CDH20: variants seen among roughly 807,000 people sequenced by gnomAD.
The protein encoded by CDH20 is cadherin-20.
CDH20 carries 29 observed loss-of-function variants against 74.2 expected under a neutral mutation model. The ratio of observed to expected loss-of-function variants is 0.39; its 90% CI spans 0.29 to 0.53. The LOEUF (loss-of-function observed/expected upper bound fraction) is 0.53, where lower values mean the gene tolerates loss of function less well. CDH20 is among the 20% of genes least tolerant of loss of function. The pLI is 0.69. For missense variants in CDH20, 988 were observed against 1,048.3 expected (o/e 0.94, Z 0.79); for synonymous variants, 469 against 405.4 (o/e 1.16, Z -1.88).
chr18:61,380,152 CTT>C (rs1911385598), intron 1 of CDH20, among the ~76,000 whole-genome samples: 1 of 152,162 alleles, frequency 6.6e-6, no homozygotes, highest in African/African-American at 2.4e-5. Context: ...CTGAAGGGGG[CTT>C]CAGGGGAGGA....
chr18:61,417,792 A>T (rs1912739311), intron 1 of CDH20, among the ~76,000 whole-genome samples: 1 of 152,086 alleles, frequency 6.6e-6, no homozygotes, highest in African/African-American at 2.4e-5. Context: ...TATTTTTCCA[A>T]ATAACTAAGA....
intron 1 of CDH20, among the ~76,000 whole-genome samples, chr18:61,472,265 A>G (rs1340131549): frequency 6.6e-6 from 1 of 152,072 alleles, no homozygotes; most frequent in Non-Finnish European, 1.5e-5. Context: ...TGCATCAGCA[A>G]CTTGGGGGCT....
intron 1 of CDH20, chr18:61,334,282 C>T (rs546568038): frequency 6.6e-6 from 1 of 152,188 alleles, no homozygotes; most frequent in African/African-American, 2.4e-5. Flanking sequence ...AGATGTGCGC[C>T]GGGAAGGGGA....
At chr18:61,361,297 G>A (rs963762696) in intron 1 of CDH20, among the ~76,000 whole-genome samples, 4 of 152,176 alleles carry the variant, frequency 2.6e-5, no homozygotes, top group Non-Finnish European at 5.9e-5. Context: ...TGTATGTGCT[G>A]TACACCTGAA....
At chr18:61,375,681 C>T (rs924637946) in intron 1 of CDH20, among the ~76,000 whole-genome samples, 2 of 152,122 alleles carry the variant, frequency 1.3e-5, no homozygotes, top group Non-Finnish European at 2.9e-5. Context: ...TCAAGTGTCA[C>T]CCATTACCCC....
At chr18:61,541,066 T>C (rs967274297) in intron 9 of CDH20, among the ~76,000 whole-genome samples, 1 of 152,090 alleles carries the variant, frequency 6.6e-6, no homozygotes, top group Non-Finnish European at 1.5e-5. Context: ...AAAGTTATAA[T>C]GCAGAATTTA....
intron 1 of CDH20, among the ~76,000 whole-genome samples, chr18:61,364,825 C>T (rs1910808764): frequency 6.6e-6 from 1 of 152,196 alleles, no homozygotes; most frequent in South Asian, 2.1e-4. Flanking sequence ...TCAAAATTAC[C>T]CAGTCTCAGG....
rs190546558 is a variant in CDH20 at position 61,442,473 on chromosome 18, G to A, written c.-152-47929G>A. ...TTTTCCAGAACTTTACCTAAGTCTGGCCAAATGAGGGCTGCCCAAAATCAA... is the reference window on the plus strand; with the variant it reads ...TTTTCCAGAACTTTACCTAAGTCTGACCAAATGAGGGCTGCCCAAAATCAA... On this transcript the variant is annotated intron_variant, in intron 1 of 11. Transcript: ENST00000262717. Among the ~76,000 whole-genome samples the A allele has an allele frequency of 2.0e-5, 3 of 151,854 alleles. No homozygotes were observed. In the East Asian group the frequency reaches 5.8e-4, roughly 29 times the overall value.
chr18:61,343,901 C>T (rs1599026160), intron 1 of CDH20, among the ~76,000 whole-genome samples: 2 of 152,118 alleles, frequency 1.3e-5, no homozygotes, highest in Admixed American at 6.5e-5. Context: ...ATGAACTGCC[C>T]TACAGTGAAG....
rs28645287 is a variant in CDH20 at position 61,468,170 on chromosome 18, T to C, written c.-152-22232T>C. On this transcript the variant is annotated intron_variant, in intron 1 of 11. Coordinates refer to ENST00000262717, the MANE Select transcript of CDH20 (RefSeq NM_031891.4). ...TACTCTCAAGTTAATAGGCCTCAACTGTATCTGCAAGAGCAGCCGTGATCC... is the reference window on the plus strand; with the variant it reads ...TACTCTCAAGTTAATAGGCCTCAACCGTATCTGCAAGAGCAGCCGTGATCC... 8.5e-3 allele frequency among the ~76,000 whole-genome samples: 1,287 copies of C among 152,286 alleles called. 18 individuals carry two copies. The highest frequency in any genetic ancestry group is 0.03 in the African/African-American group (1,228 of 41,550).
At chr18:61,549,127 C>T (rs1218963538) in intron 10 of CDH20, among the ~76,000 whole-genome samples, 2 of 152,106 alleles carry the variant, frequency 1.3e-5, no homozygotes, top group Non-Finnish European at 2.9e-5. Flanking sequence ...AGTATATCTA[C>T]TTTAGAATTC....
At chr18:61,451,900 T>C (rs7242493) in intron 1 of CDH20, among the ~76,000 whole-genome samples, 1 of 152,040 alleles carries the variant, frequency 6.6e-6, no homozygotes, top group Non-Finnish European at 1.5e-5. Flanking sequence ...ACATACCACA[T>C]GCACTGAATT....
chr18:61,334,335 C>G (rs1909678631), intron 1 of CDH20: 1 of 152,234 alleles, frequency 6.6e-6, no homozygotes, highest in African/African-American at 2.4e-5. Flanking sequence ...CCTACGGGGC[C>G]GATCCCTGGT....
chr18:61,448,368 C>T (rs1248694961), intron 1 of CDH20, among the ~76,000 whole-genome samples: 1 of 152,162 alleles, frequency 6.6e-6, no homozygotes, highest in African/African-American at 2.4e-5. Context: ...TAAGTCTGAA[C>T]AGAGTCTGGG....
chr18:61,360,943 C>T (rs574675699), intron 1 of CDH20, among the ~76,000 whole-genome samples: 2 of 152,304 alleles, frequency 1.3e-5, no homozygotes, highest in South Asian at 4.1e-4. Context: ...CTGATGTTAG[C>T]AATAAGCAAA....
chr18:61,510,575 CAT>C (rs1242792892), intron 6 of CDH20, among the ~76,000 whole-genome samples: 1 of 152,192 alleles, frequency 6.6e-6, no homozygotes, highest in Admixed American at 6.5e-5. Flanking sequence ...GGGACCAGTT[CAT>C]ATGTTTGTTC....
At chr18:61,419,077 T>C (rs1912792804) in intron 1 of CDH20, among the ~76,000 whole-genome samples, 1 of 152,202 alleles carries the variant, frequency 6.6e-6, no homozygotes, top group Admixed American at 6.5e-5. Flanking sequence ...GGGTATCTTC[T>C]TTTTAAGACA....
At chr18:61,380,341 C>A (rs1335605852) in intron 1 of CDH20, among the ~76,000 whole-genome samples, 2 of 152,004 alleles carry the variant, frequency 1.3e-5, no homozygotes, top group African/African-American at 4.8e-5. Context: ...GAATTCAAAC[C>A]GCACATATAT....
intron 1 of CDH20, among the ~76,000 whole-genome samples, chr18:61,425,049 C>G (rs1222715708): frequency 8.5e-6 from 1 of 117,282 alleles, no homozygotes; most frequent in African/African-American, 3.8e-5. Flanking sequence ...TCCTCTCTCT[C>G]TCTCTCTCTC....
Sources: allele counts gnomAD v4.1 joint callset (sites outside exome capture counted in the v4.1 genomes callset), GRCh38; gene constraint gnomAD v4.1.1; transcripts MANE v1.5; gene names NCBI Gene and HGNC (gene_info 2026-07-23, HGNC 2026-07-21).